The following ANO3 variants were observed in gnomAD, a reference collection of about 807,000 sequenced individuals.
The protein encoded by ANO3 is anoctamin-3.
ANO3 carries 99 observed loss-of-function variants against 144.8 expected under a neutral mutation model. That is an observed-to-expected ratio of 0.68 (90% CI 0.58 to 0.81). The LOEUF (loss-of-function observed/expected upper bound fraction) is 0.81. Among genes scored for constraint, ANO3 ranks in the 30% least tolerant of loss-of-function variants. The pLI is 0.00. For missense variants in ANO3, 905 were observed against 1,202.2 expected, an observed-to-expected ratio of 0.75 and a Z score of 3.66; for synonymous variants, 414 against 392.6, an observed-to-expected ratio of 1.05 and a Z score of -0.64.
intron 5 of ANO3, among the ~76,000 whole-genome samples, chr11:26,514,187 A>G (rs1275987189): frequency 6.6e-6 from 1 of 151,972 alleles, no homozygotes; most frequent in African/African-American, 2.4e-5. Flanking sequence ...TTCTTCCCAA[A>G]TCATAGGTTA....
intron 1 of ANO3, among the ~76,000 whole-genome samples, chr11:26,405,792 C>A (rs1334884550): frequency 6.6e-6 from 1 of 151,892 alleles, no homozygotes; most frequent in Non-Finnish European, 1.5e-5. Context: ...AATTCAGATT[C>A]TCGGACCCTT....
intron 1 of ANO3, among the ~76,000 whole-genome samples, chr11:26,274,534 C>T (rs755026656): frequency 1.3e-5 from 2 of 152,038 alleles, no homozygotes; most frequent in Non-Finnish European, 2.9e-5. Flanking sequence ...TATGTTATTA[C>T]CACAGCATAA....
At chr11:26,293,508 T>A (rs894918027) in intron 1 of ANO3, among the ~76,000 whole-genome samples, 1 of 139,076 alleles carries the variant, frequency 7.2e-6, no homozygotes, top group Non-Finnish European at 1.5e-5. Context: ...TCAATTTCAG[T>A]CTAGAGTGGG....
chr11:26,298,779 C>A (rs552599987), intron 1 of ANO3, among the ~76,000 whole-genome samples: 1 of 152,084 alleles, frequency 6.6e-6, no homozygotes, highest in Non-Finnish European at 1.5e-5. Context: ...GGTTAGATTT[C>A]GGACATACTT....
At chr11:26,609,666 A>C (rs1444740897) in intron 17 of ANO3, among the ~76,000 whole-genome samples, 1 of 151,838 alleles carries the variant, frequency 6.6e-6, no homozygotes, top group Non-Finnish European at 1.5e-5. Context: ...TTGATTCCAT[A>C]TCTTCACTAT....
chr11:26,612,091 C>T (rs1185510028), intron 17 of ANO3, among the ~76,000 whole-genome samples: 1 of 151,918 alleles, frequency 6.6e-6, no homozygotes, highest in African/African-American at 2.4e-5. Flanking sequence ...AGAATTTGTT[C>T]CATTTGTATT....
At chr11:26,644,589 T>A (rs1034563922) in intron 23 of ANO3, among the ~76,000 whole-genome samples, 1 of 152,206 alleles carries the variant, frequency 6.6e-6, no homozygotes, top group African/African-American at 2.4e-5. Context: ...TACATTTCTC[T>A]ATTTCTGCAA....
At chr11:26,325,317 T>C (rs1854857994) in intron 1 of ANO3, among the ~76,000 whole-genome samples, 1 of 152,142 alleles carries the variant, frequency 6.6e-6, no homozygotes, top group African/African-American at 2.4e-5. Flanking sequence ...CCAGTGTATA[T>C]TTGTTAACTA....
At chr11:26,235,002 AAGAG>A (rs10694750) in intron 1 of ANO3, among the ~76,000 whole-genome samples, 165 of 140,254 alleles carry the variant, frequency 1.2e-3, no homozygotes, top group Non-Finnish European at 1.7e-3. Context: ...AGAGAAAAGA[AAGAG>A]AGAGAGAGAG....
intron 14 of ANO3, among the ~76,000 whole-genome samples, chr11:26,578,264 G>T (rs190978750): frequency 2.0e-5 from 3 of 152,280 alleles, no homozygotes; most frequent in African/African-American, 7.2e-5. Context: ...GCAGTAGGAA[G>T]CATGAATTGA....
intron 5 of ANO3, among the ~76,000 whole-genome samples, chr11:26,509,123 T>TA (rs1861552513): frequency 6.9e-6 from 1 of 144,804 alleles, no homozygotes; most frequent in Non-Finnish European, 1.5e-5. Flanking sequence ...ATATATATAT[T>TA]ATTCTGCTGT....
intron 10 of ANO3, among the ~76,000 whole-genome samples, chr11:26,540,668 T>G (rs1294390112): frequency 6.6e-6 from 1 of 152,006 alleles, no homozygotes; most frequent in Non-Finnish European, 1.5e-5. Flanking sequence ...AAGAAGACAT[T>G]TATGGGGCCA....
intron 26 of ANO3, among the ~76,000 whole-genome samples, chr11:26,657,499 G>C (rs1282837477): frequency 6.6e-6 from 1 of 152,030 alleles, no homozygotes; most frequent in African/African-American, 2.4e-5. Flanking sequence ...AATGAACAAA[G>C]TTAATAGAGT....
intron 4 of ANO3, among the ~76,000 whole-genome samples, chr11:26,497,068 A>G (rs1295500112): frequency 6.6e-6 from 1 of 151,206 alleles, no homozygotes; most frequent in African/African-American, 2.4e-5. Flanking sequence ...CTCTCTATAT[A>G]TATACACAGA....
intron 14 of ANO3, among the ~76,000 whole-genome samples, chr11:26,573,453 G>A (rs1260543456): frequency 6.6e-6 from 1 of 152,076 alleles, no homozygotes; most frequent in Non-Finnish European, 1.5e-5. Flanking sequence ...TTTCAGATTA[G>A]CCACTTTTTA....
chr11:26,296,492 T>C (rs1422794418), intron 1 of ANO3, among the ~76,000 whole-genome samples: 3 of 152,186 alleles, frequency 2.0e-5, no homozygotes, highest in East Asian at 1.9e-4. Context: ...GACTTCTGGG[T>C]AGTGTCCTAC....
At chr11:26,540,869 A>G (rs1251978149) in intron 10 of ANO3, among the ~76,000 whole-genome samples, 1 of 152,180 alleles carries the variant, frequency 6.6e-6, no homozygotes, top group East Asian at 1.9e-4. Flanking sequence ...TAGTTCAACC[A>G]TTGTGGAAGA....
At chr11:26,368,578 G>GAAGAAAAAAGAAA (rs1392884704) in intron 1 of ANO3, among the ~76,000 whole-genome samples, 1 of 151,904 alleles carries the variant, frequency 6.6e-6, no homozygotes, top group Non-Finnish European at 1.5e-5. Context: ...AGAAAGGGTG[G>GAAGAAAAAAGAAA]GGGAGAAGAA....
intron 4 of ANO3, among the ~76,000 whole-genome samples, chr11:26,497,025 G>T (rs1263658669): frequency 7.0e-6 from 1 of 142,944 alleles, no homozygotes; most frequent in Non-Finnish European, 1.5e-5. Context: ...CATATATACA[G>T]ACACACACAC....
Sources: gnomAD v4.1 joint callset for allele counts (sites outside exome capture counted in the v4.1 genomes callset) on GRCh38, gnomAD v4.1.1 for gene constraint, MANE v1.5 for transcripts, NCBI Gene and HGNC (gene_info 2026-07-23, HGNC 2026-07-21) for gene names.